LDAH: variants seen among roughly 807,000 people sequenced by gnomAD.
LDAH encodes the protein lipid droplet-associated hydrolase.
In LDAH, 26 loss-of-function variants were observed where a neutral mutation model predicts 29.6. That is an observed-to-expected ratio of 0.88 (90% confidence interval 0.64 to 1.22). The LOEUF (loss-of-function observed/expected upper bound fraction) is 1.22, where lower values mean the gene tolerates loss of function less well. Among genes scored for constraint, LDAH ranks in the 50% most tolerant of loss-of-function variants. The pLI, the probability that LDAH is intolerant of heterozygous loss-of-function variation, is 0.00. For missense variants in LDAH, 344 were observed against 387.3 expected (o/e 0.89, Z 0.94); for synonymous variants, 117 against 133.0 (o/e 0.88, Z 0.83).
chr2:20,794,390 A>G (rs2125084886), intron 2 of LDAH, among the ~76,000 whole-genome samples: 1 of 152,260 alleles, frequency 6.6e-6, no homozygotes, highest in East Asian at 1.9e-4. Flanking sequence ...AACTCATTCT[A>G]TGAGGCCAGC....
chr2:20,688,828 C>CTTTTTTT (rs57543886), intron 6 of LDAH, among the ~76,000 whole-genome samples: 3 of 112,006 alleles, frequency 2.7e-5, no homozygotes, highest in African/African-American at 3.4e-5. Flanking sequence ...TGGAGGTTTC[C>CTTTTTTT]TTTTTTTTTT....
At chr2:20,819,505 CAA>C (rs1673093177) in intron 1 of LDAH, among the ~76,000 whole-genome samples, 1 of 152,090 alleles carries the variant, frequency 6.6e-6, no homozygotes. Flanking sequence ...TAAACAGAAC[CAA>C]AGACAAAAAC....
intron 6 of LDAH, among the ~76,000 whole-genome samples, chr2:20,692,229 ACAACAGG>A: frequency 6.6e-6 from 1 of 152,170 alleles, no homozygotes; most frequent in Admixed American, 6.6e-5. Context: ...GCTCTTAAAT[ACAACAGG>A]CAGACAGAGG....
chr2:20,723,342 G>T (rs1227000363), intron 5 of LDAH, among the ~76,000 whole-genome samples: 2 of 152,096 alleles, frequency 1.3e-5, no homozygotes, highest in East Asian at 1.9e-4. Context: ...GCATAAGGGG[G>T]TCTTCTGAGA....
rs114643338 is a variant in LDAH at position 20,720,651 on chromosome 2, C to T, written c.704-18999G>A. 2.9e-3 allele frequency among the ~76,000 whole-genome samples: 441 copies of T among 151,956 alleles called. 3 individuals carry two copies. The highest frequency in any genetic ancestry group is 0.01 in the African/African-American group (415 of 41,484). Reference sequence around the variant, plus strand: ...AATTTGTATGGAATCCCAAAAGACGCCGAATTGCTAAGGAATCCTAAGGAA... The same window carrying T: ...AATTTGTATGGAATCCCAAAAGACGTCGAATTGCTAAGGAATCCTAAGGAA... On this transcript the variant is annotated intron_variant, in intron 5 of 6. Transcript: ENST00000237822.
chr2:20,718,290 C>A (rs935986316), intron 5 of LDAH, among the ~76,000 whole-genome samples: 1 of 151,990 alleles, frequency 6.6e-6, no homozygotes, highest in African/African-American at 2.4e-5. Context: ...TATAAAGATA[C>A]CCATAGAGTA....
chr2:20,810,210 C>T (rs1305607135), intron 1 of LDAH, among the ~76,000 whole-genome samples: 2 of 152,170 alleles, frequency 1.3e-5, no homozygotes, highest in African/African-American at 4.8e-5. Context: ...TATCTTTGTT[C>T]ATATGCTTGG....
chr2:20,787,092 C>A (rs756369788), intron 3 of LDAH, among the ~76,000 whole-genome samples: 1 of 152,104 alleles, frequency 6.6e-6, no homozygotes, highest in Admixed American at 6.6e-5. Flanking sequence ...CTGTACTTTA[C>A]CCCCAGCAAT....
At chr2:20,778,118 A>T (rs1490528776) in intron 3 of LDAH, among the ~76,000 whole-genome samples, 1 of 152,206 alleles carries the variant, frequency 6.6e-6, no homozygotes. Flanking sequence ...CTGTTATTGT[A>T]TCTATGCAGA....
rs200875876 is a variant in LDAH at position 20,807,160 on chromosome 2, A to G, written c.-2-5695T>C. Among the ~76,000 whole-genome samples, 28 of 152,190 alleles carry G rather than the reference A, an allele frequency of 1.8e-4. No individual in the cohort carries two copies. In the East Asian group the frequency reaches 3.5e-3, roughly 19 times the overall value. On this transcript the variant is annotated intron_variant, in intron 1 of 6. Coordinates refer to ENST00000237822, the MANE Select transcript of LDAH (RefSeq NM_021925.4). The stretch of plus-strand genomic sequence containing the variant: ...AGAAATGTATGCCAATAAACTTGAC[A>G]TGGGCAAATTCCAAAACAAACAAAC...
chr2:20,720,182 C>A (rs1665549647), intron 5 of LDAH, among the ~76,000 whole-genome samples: 1 of 152,064 alleles, frequency 6.6e-6, no homozygotes, highest in African/African-American at 2.4e-5. Context: ...ACCTTGTTTG[C>A]AGATGACATG....
intron 5 of LDAH, among the ~76,000 whole-genome samples, chr2:20,716,694 T>C (rs112477370): frequency 2.2e-4 from 31 of 142,874 alleles, no homozygotes; most frequent in African/African-American, 7.7e-4. Context: ...ACCTGCACGT[T>C]GTGTAGATGT....
chr2:20,752,083 G>T (rs183191247), intron 4 of LDAH, among the ~76,000 whole-genome samples: 6 of 151,974 alleles, frequency 3.9e-5, no homozygotes, highest in Admixed American at 3.9e-4. Context: ...GTAGAGACAG[G>T]GTCTCACTAT....
At chr2:20,774,718 T>C in intron 4 of LDAH, 92 bp downstream of exon 4, 1 of 1,285,026 alleles carries the variant, frequency 7.8e-7, no homozygotes, top group Admixed American at 2.2e-5. Context: ...ATTTATCAAC[T>C]GAACAAGAGA....
chr2:20,727,894 T>G (rs1666126972), intron 5 of LDAH, among the ~76,000 whole-genome samples: 2 of 152,192 alleles, frequency 1.3e-5, no homozygotes, highest in South Asian at 2.1e-4. Context: ...CACTAACTGA[T>G]GTAGGGCTAC....
At chr2:20,687,530 TACAA>T (rs1366605704) in intron 6 of LDAH, among the ~76,000 whole-genome samples, 1 of 152,234 alleles carries the variant, frequency 6.6e-6, no homozygotes, top group African/African-American at 2.4e-5. Flanking sequence ...GTTGAATGAA[TACAA>T]ACACAGATCA....
At chr2:20,742,920 T>C (rs953822423) in intron 4 of LDAH, among the ~76,000 whole-genome samples, 1 of 151,010 alleles carries the variant, frequency 6.6e-6, no homozygotes, top group African/African-American at 2.4e-5. Context: ...CCACCACGCC[T>C]GGCTAATTTT....
At chr2:20,727,026 C>G (rs564067897) in intron 5 of LDAH, among the ~76,000 whole-genome samples, 2 of 152,066 alleles carry the variant, frequency 1.3e-5, no homozygotes, top group Non-Finnish European at 2.9e-5. Context: ...CAAAAACAAA[C>G]AAAAAAACCT....
At chr2:20,754,603 A>C (rs1668201290) in intron 4 of LDAH, among the ~76,000 whole-genome samples, 1 of 152,122 alleles carries the variant, frequency 6.6e-6, no homozygotes, top group African/African-American at 2.4e-5. Flanking sequence ...TAATATCACC[A>C]ATGATGAGCA....
Sources: allele counts gnomAD v4.1 joint callset (sites outside exome capture counted in the v4.1 genomes callset), GRCh38; gene constraint gnomAD v4.1.1; transcripts MANE v1.5; gene names NCBI Gene and HGNC (gene_info 2026-07-23, HGNC 2026-07-21).